The following RBFOX1 variants were observed in gnomAD, a reference collection of about 807,000 sequenced individuals.
RBFOX1 encodes RNA binding fox-1 homolog 1, also known as RNA binding protein fox-1 homolog 1.
Under a neutral mutation model 57.7 loss-of-function variants are expected in RBFOX1, and 8 were observed. The observed-to-expected ratio is 0.14, with a 90% CI of 0.08 to 0.25. RBFOX1 has a LOEUF of 0.25. Among genes scored for constraint, RBFOX1 ranks in the 10% least tolerant of loss-of-function variants. The probability of loss-of-function intolerance (pLI) is 1.00; values close to 1 mark genes in which losing one functional copy is unlikely to be tolerated. For synonymous variants in RBFOX1, 326 were observed against 222.4 expected (o/e 1.47, Z -4.15); for missense variants, 611 against 548.5 (o/e 1.11, Z -1.14).
At chr16:5,509,137 C>T (rs867812093) in intron 2 of RBFOX1, among the ~76,000 whole-genome samples, 3 of 152,174 alleles carry the variant, frequency 2.0e-5, no homozygotes, top group African/African-American at 7.2e-5. Flanking sequence ...ATGAAATAGC[C>T]GCACACTTCC....
chr16:5,948,101 T>C (rs1232630289), intron 4 of RBFOX1, among the ~76,000 whole-genome samples: 1 of 152,042 alleles, frequency 6.6e-6, no homozygotes, highest in African/African-American at 2.4e-5. Context: ...AGTCTATGTT[T>C]GCAAGAAAGG....
chr16:6,705,629 T>G (rs907458316), intron 3 of RBFOX1: 2 of 152,128 alleles, frequency 1.3e-5, no homozygotes, highest in East Asian at 1.9e-4. Flanking sequence ...ATGAGCCTGA[T>G]AGCAAATATT....
chr16:7,453,452 A>T (rs1010159866), intron 4 of RBFOX1, among the ~76,000 whole-genome samples: 1 of 152,172 alleles, frequency 6.6e-6, no homozygotes, highest in Admixed American at 6.6e-5. Flanking sequence ...TTATGACTTT[A>T]TCCTAAGAAT....
intron 2 of RBFOX1, among the ~76,000 whole-genome samples, chr16:5,543,040 G>A (rs1208750856): frequency 1.3e-5 from 2 of 152,138 alleles, no homozygotes. Flanking sequence ...CCTCAGGAGT[G>A]GGGAATAATT....
Position 6,450,788 on chromosome 16 carries a change from T to TACATATATATAC in RBFOX1, c.-64+133742_-64+133743insCACATATATATA, listed in dbSNP as rs1567302948. Among the ~76,000 whole-genome samples the TACATATATATAC allele has an allele frequency of 4.2e-4, 20 of 47,964 alleles. 1 individual carries two copies. The highest frequency in any genetic ancestry group is 6.6e-4 in the African/African-American group (6 of 9,080). The allele number at this position is 47,964 out of a possible 152,430, so 31.5% of individuals were successfully genotyped here. Reference sequence around the variant, plus strand: ...ATGTGTATATATATATATATATATATACATATATATATGTATATATATATA... The same window carrying TACATATATATAC: ...ATGTGTATATATATATATATATATATACATATATATACACATATATATATGTATATATATATA... On this transcript the variant is annotated intron_variant, in intron 2 of 15. Coordinates refer to ENST00000550418, the MANE Select transcript of RBFOX1 (RefSeq NM_018723.4).
rs189546990 is a variant in RBFOX1, at chr16:5,327,200, C to A, written c.219+87095C>A. 1.9e-3 allele frequency among the ~76,000 whole-genome samples: 281 copies of A among 147,542 alleles called. 1 individual carries two copies. Among genetic ancestry groups the A allele is most frequent in the Middle Eastern group, 3.7e-3 (1 of 272 alleles). On this transcript the variant is annotated intron_variant, in intron 1 of 2. Coordinates refer to the RBFOX1 transcript ENST00000585867. ...TTCCAAAAATTTGGTGTGTAGATCCCCTGCATCAAAATGCCGTGGAGACCT... is the reference window on the plus strand; with the variant it reads ...TTCCAAAAATTTGGTGTGTAGATCCACTGCATCAAAATGCCGTGGAGACCT...
intron 3 of RBFOX1, among the ~76,000 whole-genome samples, chr16:5,710,680 A>G (rs1287332007): frequency 1.3e-5 from 2 of 152,174 alleles, no homozygotes; most frequent in African/African-American, 4.8e-5. Context: ...ATTTGGGGTT[A>G]ACCATGCTGA....
intron 4 of RBFOX1, among the ~76,000 whole-genome samples, chr16:7,102,897 A>G (rs1012006349): frequency 6.6e-6 from 1 of 152,134 alleles, no homozygotes; most frequent in African/African-American, 2.4e-5. Context: ...GAGTGCTACA[A>G]GTATATTGTG....
Position 6,081,297 on chromosome 16 carries a change from T to C in RBFOX1, c.-127+61305T>C. 1.3e-5 allele frequency among the ~76,000 whole-genome samples: 2 copies of C among 152,164 alleles called. 1 individual carries two copies. Among genetic ancestry groups the C allele is most frequent in the Non-Finnish European group, 2.9e-5 (2 of 68,016 alleles). ...CAAGATCATCTCTCATTGGACAAGG[T>C]TCCCCCAAGACTGGCTGGGCTCGTC... On this transcript the variant is annotated intron_variant, in intron 1 of 15. Coordinates refer to ENST00000550418, the MANE Select transcript of RBFOX1 (RefSeq NM_018723.4).
intron 4 of RBFOX1, among the ~76,000 whole-genome samples, chr16:7,500,536 A>T (rs977239468): frequency 6.6e-6 from 1 of 152,330 alleles, no homozygotes; most frequent in African/African-American, 2.4e-5. Context: ...CTATTGTTGT[A>T]GCTAGACTTG....
chr16:6,998,148 CTTAT>C (rs1267310189), intron 3 of RBFOX1, among the ~76,000 whole-genome samples: 2 of 151,860 alleles, frequency 1.3e-5, no homozygotes, highest in East Asian at 3.9e-4. Context: ...TATTTATTTA[CTTAT>C]TGAGTGTAAA....
chr16:6,248,439 G>T (rs916093020), intron 1 of RBFOX1, among the ~76,000 whole-genome samples: 1 of 152,146 alleles, frequency 6.6e-6, no homozygotes, highest in Non-Finnish European at 1.5e-5. Context: ...CATGGGACAT[G>T]GGTATAAATA....
intron 2 of RBFOX1, among the ~76,000 whole-genome samples, chr16:6,582,933 C>G (rs2097557279): frequency 6.6e-6 from 1 of 151,630 alleles, no homozygotes; most frequent in Non-Finnish European, 1.5e-5. Context: ...TTCTCCCCTC[C>G]CCTCCCCTCC....
At chr16:6,886,935 C>T (rs1000998349) in intron 3 of RBFOX1, among the ~76,000 whole-genome samples, 3 of 152,112 alleles carry the variant, frequency 2.0e-5, no homozygotes, top group East Asian at 3.9e-4. Flanking sequence ...GAAGCAAAAC[C>T]GTGTCTTTGT....
intron 1 of RBFOX1, among the ~76,000 whole-genome samples, chr16:6,253,693 G>GTATA (rs2097641391): frequency 8.9e-6 from 1 of 112,222 alleles, no homozygotes; most frequent in South Asian, 3.1e-4. Flanking sequence ...GTGTGTGTGT[G>GTATA]TGTGTGTATA....
At chr16:7,603,595 G>T (rs959092893) in intron 9 of RBFOX1, among the ~76,000 whole-genome samples, 1 of 152,098 alleles carries the variant, frequency 6.6e-6, no homozygotes, top group Non-Finnish European at 1.5e-5. Context: ...ACATGAAGTC[G>T]ACTTTGTGAA....
intron 3 of RBFOX1, among the ~76,000 whole-genome samples, chr16:5,790,053 C>G (rs2054637001): frequency 6.6e-6 from 1 of 152,202 alleles, no homozygotes; most frequent in Non-Finnish European, 1.5e-5. Flanking sequence ...GGCACCCAAC[C>G]CTTGTGGTTA....
At chr16:6,545,980 T>G (rs1445816572) in intron 2 of RBFOX1, among the ~76,000 whole-genome samples, 1 of 152,224 alleles carries the variant, frequency 6.6e-6, no homozygotes, top group East Asian at 1.9e-4. Context: ...TTTTGGCTTC[T>G]CTGGGCCACT....
chr16:7,064,989 A>G (rs1458205478), intron 4 of RBFOX1, among the ~76,000 whole-genome samples: 1 of 152,188 alleles, frequency 6.6e-6, no homozygotes, highest in East Asian at 1.9e-4. Context: ...TGTCACCACC[A>G]CATACAACAA....
Sources: allele counts gnomAD v4.1 joint callset (sites outside exome capture counted in the v4.1 genomes callset), GRCh38; gene constraint gnomAD v4.1.1; transcripts MANE v1.5; gene names NCBI Gene and HGNC (gene_info 2026-07-23, HGNC 2026-07-21).